The following MXRA7 variants were observed in gnomAD, a reference collection of about 807,000 sequenced individuals.
MXRA7 encodes matrix-remodeling-associated protein 7.
Under a neutral mutation model 17.4 loss-of-function variants are expected in MXRA7, and 18 were observed. The observed-to-expected ratio is 1.03, with a 90% CI of 0.71 to 1.53. MXRA7 has a LOEUF of 1.53. MXRA7 is among the 40% of genes most tolerant of loss of function. MXRA7 has a pLI of 0.00. For missense variants in MXRA7, 141 were observed against 209.3 expected, an observed-to-expected ratio of 0.67 and a Z score of 2.01; for synonymous variants, 70 against 101.7, an observed-to-expected ratio of 0.69 and a Z score of 1.87.
At chr17:76,688,374 C>A in intron 1 of MXRA7, 198 bp from the exon 2 acceptor site, 2 of 1,434,416 alleles carry the variant, frequency 1.4e-6, no homozygotes, top group Non-Finnish European at 1.8e-6. Flanking sequence ...TGACTCGGCT[C>A]ACAAATGCTG....
intron 1 of MXRA7, among the ~76,000 whole-genome samples, chr17:76,698,722 T>G (rs1471965617): frequency 1.3e-4 from 18 of 141,424 alleles, no homozygotes; most frequent in African/African-American, 4.7e-4. Context: ...GTTTTTTTTT[T>G]TTTTTTTTTT....
At chr17:76,701,450 G>A (rs1325991387) in intron 1 of MXRA7, among the ~76,000 whole-genome samples, 1 of 152,086 alleles carries the variant, frequency 6.6e-6, no homozygotes, top group Non-Finnish European at 1.5e-5. Flanking sequence ...GGTGCACGTA[G>A]ACAACCCACA....
At chr17:76,674,912 C>T (rs540408089), downstream of MXRA7, 1 of 152,374 alleles carries the variant, frequency 6.6e-6, no homozygotes, top group East Asian at 1.9e-4. Flanking sequence ...ACCTGAACTC[C>T]TGCAGCCATC....
chr17:76,706,357 C>CCGT (rs1306248632), intron 1 of MXRA7, among the ~76,000 whole-genome samples: 2 of 126,076 alleles, frequency 1.6e-5, no homozygotes, highest in African/African-American at 5.9e-5. Flanking sequence ...GCCCACTCTG[C>CCGT]CATCACAGAG....
intron 1 of MXRA7, among the ~76,000 whole-genome samples, chr17:76,691,721 C>CA (rs2076480613): frequency 6.6e-6 from 1 of 152,128 alleles, no homozygotes; most frequent in African/African-American, 2.4e-5. Flanking sequence ...GACAGAAAAA[C>CA]AGTTGGTTTT....
Position 76,683,504 on chromosome 17 carries a change from C to CT in MXRA7, c.500+1567dup, listed in dbSNP as rs2076338211. On this transcript the variant is annotated intron_variant, in intron 3 of 3. Transcript: ENST00000449428. Reference sequence around the variant, plus strand: ...CATCTTCTCAGGGTGAGACCCAAGGCTGCAGGGTGACGACATCCACATTTC... The same window carrying CT: ...CATCTTCTCAGGGTGAGACCCAAGGCTTGCAGGGTGACGACATCCACATTTC... 2.0e-5 allele frequency among the ~76,000 whole-genome samples: 3 copies of CT among 152,228 alleles called. No individual in the cohort carries two copies. In the South Asian group the frequency reaches 6.2e-4, roughly 32 times the overall value.
intron 1 of MXRA7, among the ~76,000 whole-genome samples, chr17:76,699,338 G>C (rs2076568387): frequency 1.3e-5 from 2 of 151,940 alleles, no homozygotes; most frequent in Admixed American, 1.3e-4. Context: ...TAGAGATTGG[G>C]TCTCACTATG....
chr17:76,677,592 A>G, downstream of MXRA7: 3 of 1,608,384 alleles, frequency 1.9e-6, no homozygotes, highest in African/African-American at 1.3e-5. Context: ...CGCAGTCTAC[A>G]TGTCGTAGAG....
chr17:76,698,061 C>G (rs1598354891), intron 1 of MXRA7, among the ~76,000 whole-genome samples: 1 of 152,254 alleles, frequency 6.6e-6, no homozygotes, highest in Middle Eastern at 3.4e-3. Flanking sequence ...CTCTTGTGGC[C>G]CTGTGGCCAC....
At chr17:76,701,111 AG>A (rs1257854455) in intron 1 of MXRA7, among the ~76,000 whole-genome samples, 1 of 151,974 alleles carries the variant, frequency 6.6e-6, no homozygotes, top group Non-Finnish European at 1.5e-5. Context: ...TCTCTGCGCT[AG>A]GAAGGTCATG....
At chr17:76,709,175 A>T (rs2076692926) in intron 1 of MXRA7, among the ~76,000 whole-genome samples, 1 of 152,206 alleles carries the variant, frequency 6.6e-6, no homozygotes, top group African/African-American at 2.4e-5. Flanking sequence ...TGGGTGATAA[A>T]GGGCCAGCCC....
chr17:76,700,761 C>T (rs2076580638), intron 1 of MXRA7, among the ~76,000 whole-genome samples: 1 of 152,154 alleles, frequency 6.6e-6, no homozygotes, highest in South Asian at 2.1e-4. Context: ...TGACCTCAGA[C>T]CGGATGAAGT....
chr17:76,684,886 G>T (rs754548157), intron 3 of MXRA7, among the ~76,000 whole-genome samples, 186 bp downstream of exon 3: 3 of 152,168 alleles, frequency 2.0e-5, no homozygotes, highest in Non-Finnish European at 2.9e-5. Flanking sequence ...GGGTGTGCGA[G>T]CCTGGCTGAC....
At chr17:76,706,321 C>A (rs1209835320) in intron 1 of MXRA7, among the ~76,000 whole-genome samples, 2 of 92,602 alleles carry the variant, frequency 2.2e-5, no homozygotes, top group Non-Finnish European at 2.5e-5. Context: ...GCTGCCATCA[C>A]AAAGGACCAC....
At chr17:76,685,317 C>T (rs1288966995) in intron 2 of MXRA7, 152 bp from the exon 3 acceptor site, 1 of 633,290 alleles carries the variant, frequency 1.6e-6, no homozygotes, top group African/African-American at 1.8e-5. Flanking sequence ...TATACCCCCT[C>T]TCGTTCCATA....
At chr17:76,701,062 T>C (rs901483649) in intron 1 of MXRA7, among the ~76,000 whole-genome samples, 1 of 151,676 alleles carries the variant, frequency 6.6e-6, no homozygotes, top group Non-Finnish European at 1.5e-5. Context: ...AGTTTGGAAT[T>C]GCACGCGGAG....
intron 1 of MXRA7, among the ~76,000 whole-genome samples, chr17:76,693,756 A>C (rs1672239494): frequency 6.6e-6 from 1 of 151,974 alleles, no homozygotes; most frequent in African/African-American, 2.4e-5. Flanking sequence ...TGGGAGGATC[A>C]CTTGAGCCCA....
At chr17:76,689,679 T>G (rs1358019817) in intron 1 of MXRA7, 1 of 152,126 alleles carries the variant, frequency 6.6e-6, no homozygotes, top group Non-Finnish European at 1.5e-5. Context: ...ATCAGGATTT[T>G]TATATAATGA....
At chr17:76,701,427 C>T (rs1005591389) in intron 1 of MXRA7, among the ~76,000 whole-genome samples, 2 of 151,804 alleles carry the variant, frequency 1.3e-5, no homozygotes, top group Non-Finnish European at 2.9e-5. Flanking sequence ...CACTTGTCAG[C>T]GTGTTGGGCT....
Sources: gnomAD v4.1 joint callset for allele counts (sites outside exome capture counted in the v4.1 genomes callset) on GRCh38, gnomAD v4.1.1 for gene constraint, MANE v1.5 for transcripts, NCBI Gene and HGNC (gene_info 2026-07-23, HGNC 2026-07-21) for gene names.